Variants in CELF4 observed in about 807,000 individuals in gnomAD.
The protein encoded by CELF4 is CUG-BP- and ETR-3-like factor 4.
In CELF4, 18 loss-of-function variants were observed where a neutral mutation model predicts 59.9. The observed-to-expected ratio is 0.30, with a 90% CI of 0.21 to 0.45. The LOEUF is 0.45. Ranked by LOEUF, CELF4 falls within the 20% of genes least tolerant of loss-of-function variation. CELF4 has a pLI of 1.00. For missense variants in CELF4, 456 were observed against 689.0 expected (o/e 0.66, Z 3.79); for synonymous variants, 261 against 267.1 (o/e 0.98, Z 0.22).
chr18:37,538,957 TG>T (rs991487447), intron 1 of CELF4, among the ~76,000 whole-genome samples: 3 of 152,268 alleles, frequency 2.0e-5, no homozygotes, highest in African/African-American at 7.2e-5. Flanking sequence ...TCTCCTTCCC[TG>T]GCCGGTGGGG....
At chr18:37,324,204 C>T (rs1250843677) in intron 2 of CELF4, among the ~76,000 whole-genome samples, 2 of 152,144 alleles carry the variant, frequency 1.3e-5, no homozygotes, top group African/African-American at 4.8e-5. Flanking sequence ...GCCTAGTCCA[C>T]TTAGCTTCTG....
rs554047574 is a variant in CELF4, at chr18:37,505,180, G to A, written c.287-19573C>T. ...GAAGTGAGGTCCTCATATGACTGGT[G>A]TCTCGCATGGCTGAGGCCAGATTGA... On this transcript the variant is annotated intron_variant, in intron 1 of 12. Transcript: ENST00000420428. 3.3e-5 allele frequency among the ~76,000 whole-genome samples: 5 copies of A among 152,092 alleles called. No individual in the cohort carries two copies. The East Asian group carries it at 9.7e-4, about 30-fold the overall frequency.
At chr18:37,513,773 A>G (rs527988281) in intron 1 of CELF4, among the ~76,000 whole-genome samples, 2 of 152,236 alleles carry the variant, frequency 1.3e-5, no homozygotes, top group Middle Eastern at 6.8e-3. Flanking sequence ...CTGTACTTTC[A>G]GGCCAATCCG....
chr18:37,474,666 A>G (rs775226716), intron 2 of CELF4, among the ~76,000 whole-genome samples: 1 of 152,194 alleles, frequency 6.6e-6, no homozygotes, highest in Non-Finnish European at 1.5e-5. Context: ...ATGAGATAAT[A>G]TTTGTGAAGT....
intron 1 of CELF4, among the ~76,000 whole-genome samples, chr18:37,491,753 G>A (rs779192216): frequency 4.6e-5 from 7 of 152,162 alleles, no homozygotes; most frequent in East Asian, 1.9e-4. Context: ...CAGGGGTGGC[G>A]GATGCCCCTC....
chr18:37,458,290 C>T (rs1452740568), intron 2 of CELF4, among the ~76,000 whole-genome samples: 1 of 152,166 alleles, frequency 6.6e-6, no homozygotes, highest in Non-Finnish European at 1.5e-5. Context: ...TCCCTAGCAC[C>T]ACCCCTGAGT....
At chr18:37,509,051 A>T (rs987055360) in intron 1 of CELF4, among the ~76,000 whole-genome samples, 4 of 152,202 alleles carry the variant, frequency 2.6e-5, no homozygotes, top group African/African-American at 9.6e-5. Flanking sequence ...GGATGTCATC[A>T]GTCTCCCTCC....
chr18:37,393,689 C>A (rs1479034909), intron 2 of CELF4, among the ~76,000 whole-genome samples: 1 of 152,150 alleles, frequency 6.6e-6, no homozygotes, highest in Non-Finnish European at 1.5e-5. Flanking sequence ...GGTGCTCCAG[C>A]CCCGGTACCT....
At chr18:37,302,132 C>T (rs2096085631) in intron 3 of CELF4, among the ~76,000 whole-genome samples, 1 of 152,224 alleles carries the variant, frequency 6.6e-6, no homozygotes, top group Non-Finnish European at 1.5e-5. Context: ...ATTAATAAAA[C>T]TCCCAAGAAT....
chr18:37,558,733 G>A (rs1603644186), intron 1 of CELF4, among the ~76,000 whole-genome samples: 1 of 151,842 alleles, frequency 6.6e-6, no homozygotes, highest in African/African-American at 2.4e-5. Flanking sequence ...CCGGCTCCCT[G>A]CCACGCCCTG....
chr18:37,448,726 G>A (rs1305216867), intron 2 of CELF4, among the ~76,000 whole-genome samples: 1 of 152,236 alleles, frequency 6.6e-6, no homozygotes, highest in East Asian at 1.9e-4. Flanking sequence ...AGCCTCGAGT[G>A]CCCCATCTCC....
chr18:37,321,776 G>A (rs767170168), intron 3 of CELF4, 27 bp downstream of exon 3: 7 of 1,525,728 alleles, frequency 4.6e-6, no homozygotes, highest in Non-Finnish European at 6.3e-6. Flanking sequence ...GGGGGAGGGG[G>A]AGGGGCAGAG....
At chr18:37,440,824 G>C (rs959440053) in intron 2 of CELF4, among the ~76,000 whole-genome samples, 1 of 152,056 alleles carries the variant, frequency 6.6e-6, no homozygotes, top group African/African-American at 2.4e-5. Context: ...CCATTCCCCT[G>C]CTTATCCTCC....
intron 2 of CELF4, among the ~76,000 whole-genome samples, chr18:37,374,087 G>C (rs1342886991): frequency 6.6e-6 from 1 of 152,162 alleles, no homozygotes; most frequent in South Asian, 2.1e-4. Context: ...ATGCCAGAAA[G>C]GTGGCTACCC....
At chr18:37,353,512 A>C (rs917666323) in intron 2 of CELF4, among the ~76,000 whole-genome samples, 3 of 151,494 alleles carry the variant, frequency 2.0e-5, no homozygotes, top group Admixed American at 1.3e-4. Flanking sequence ...GGCAGCTGGC[A>C]GCAATAGGGC....
At chr18:37,460,392 G>T (rs1434121913) in intron 2 of CELF4, among the ~76,000 whole-genome samples, 1 of 152,218 alleles carries the variant, frequency 6.6e-6, no homozygotes, top group African/African-American at 2.4e-5. Flanking sequence ...GGAGGTTGCA[G>T]CTGAGGACAT....
chr18:37,266,417 C>G (rs1303569585), intron 9 of CELF4, 116 bp downstream of exon 9: 3 of 1,080,954 alleles, frequency 2.8e-6, no homozygotes, highest in South Asian at 1.4e-5. Context: ...CCTCTTTCCA[C>G]TCTCTCTCCC....
chr18:37,496,014 C>G lies in CELF4; in HGVS notation c.287-10407G>C, dbSNP rs542351992. 8.1e-4 allele frequency among the ~76,000 whole-genome samples: 123 copies of G among 152,192 alleles called. 1 individual carries two copies. Among genetic ancestry groups the G allele is most frequent in the African/African-American group, 2.9e-3 (121 of 41,514 alleles). ...ACACAGCCAAGCCATGCCTCCCTCC[C>G]CCAGCAGTGTGTGACCATATCACTG... is the stretch of plus-strand genomic sequence containing the variant. On this transcript the variant is annotated intron_variant, in intron 1 of 12. Transcript: ENST00000420428.
chr18:37,312,896 G>C (rs2096726904), intron 3 of CELF4, among the ~76,000 whole-genome samples: 1 of 152,218 alleles, frequency 6.6e-6, no homozygotes, highest in Non-Finnish European at 1.5e-5. Context: ...GTGATGAGCT[G>C]TGGACGTCCA....
Sources: gnomAD v4.1 joint callset for allele counts (sites outside exome capture counted in the v4.1 genomes callset) on GRCh38, gnomAD v4.1.1 for gene constraint, MANE v1.5 for transcripts, NCBI Gene and HGNC (gene_info 2026-07-23, HGNC 2026-07-21) for gene names.